JAKMIP2: variants seen among roughly 807,000 people sequenced by gnomAD.
JAKMIP2 encodes janus kinase and microtubule interacting protein 2.
JAKMIP2 carries 25 observed loss-of-function variants against 115.0 expected under a neutral mutation model. That is an observed-to-expected ratio of 0.22 (90% CI 0.16 to 0.30). The LOEUF is 0.30. Ranked by LOEUF, JAKMIP2 falls within the 10% of genes least tolerant of loss-of-function variation. The pLI is 1.00. For missense variants in JAKMIP2, 642 were observed against 957.6 expected (o/e 0.67, Z 4.35); for synonymous variants, 334 against 343.6 (o/e 0.97, Z 0.31).
intron 1 of JAKMIP2, among the ~76,000 whole-genome samples, chr5:147,715,723 T>C (rs1752952546): frequency 6.6e-6 from 1 of 151,858 alleles, no homozygotes; most frequent in Non-Finnish European, 1.5e-5. Context: ...GTAGGAGTTT[T>C]TTCCTAAAAC....
intron 1 of JAKMIP2, among the ~76,000 whole-genome samples, chr5:147,730,261 C>T (rs1193013452): frequency 6.6e-6 from 1 of 152,124 alleles, no homozygotes; most frequent in Non-Finnish European, 1.5e-5. Flanking sequence ...AGATTCTTTG[C>T]CTGGCCAAAC....
intron 21 of JAKMIP2, among the ~76,000 whole-genome samples, chr5:147,598,462 T>TCTATCTATCAC (rs1554123568): frequency 0.15 from 22,431 of 148,082 alleles, 1,863 homozygotes; most frequent in Non-Finnish European, 0.19. Context: ...CTATCTATCA[T>TCTATCTATCAC]CTATCTATGT....
chr5:147,769,937 T>C (rs1755288881), intron 1 of JAKMIP2, among the ~76,000 whole-genome samples: 1 of 152,122 alleles, frequency 6.6e-6, no homozygotes, highest in Non-Finnish European at 1.5e-5. Flanking sequence ...TTGTTAAAGA[T>C]GTAAAATGCA....
At chr5:147,734,789 C>T (rs1241050439) in intron 1 of JAKMIP2, among the ~76,000 whole-genome samples, 1 of 152,032 alleles carries the variant, frequency 6.6e-6, no homozygotes, top group Non-Finnish European at 1.5e-5. Context: ...AGAAGGACAA[C>T]AGGAATTGAT....
At chr5:147,704,037 A>G (rs1752476002) in intron 1 of JAKMIP2, among the ~76,000 whole-genome samples, 1 of 152,122 alleles carries the variant, frequency 6.6e-6, no homozygotes, top group Non-Finnish European at 1.5e-5. Context: ...AGCCTGTCCC[A>G]CTAGAAGGTC....
At chr5:147,652,644 C>G (rs1264339127) in intron 3 of JAKMIP2, among the ~76,000 whole-genome samples, 1 of 152,120 alleles carries the variant, frequency 6.6e-6, no homozygotes. Context: ...ATTCTGTGTT[C>G]ATGCAGTTTG....
Position 147,589,973 on chromosome 5 carries a change from T to C in JAKMIP2, c.*1734A>G, listed in dbSNP as rs1755034930. 1 of 152,318 alleles carries C rather than the reference T, an allele frequency of 6.6e-6. No individual in the cohort carries two copies. Among genetic ancestry groups the C allele is most frequent in the East Asian group, 1.9e-4 (1 of 5,182 alleles). The allele number at this position is 152,318 out of a possible 1,614,324, so 9.4% of individuals were successfully genotyped here. On this transcript the variant is annotated 3_prime_UTR_variant, in exon 22 of 22. Coordinates refer to ENST00000616793, the MANE Select transcript of JAKMIP2 (RefSeq NM_001270941.2). ...TTCTAAAATTGCAAATAAAACTTTA[T>C]GAAAAAGCATTTTAACCCCATTTTG...
chr5:147,728,938 G>T (rs1580844840), intron 1 of JAKMIP2, among the ~76,000 whole-genome samples: 1 of 152,278 alleles, frequency 6.6e-6, no homozygotes, highest in East Asian at 1.9e-4. Flanking sequence ...CTGCACTTCT[G>T]TCTGGTGTCC....
At chr5:147,640,455 AC>A (rs1234526269) in intron 9 of JAKMIP2, among the ~76,000 whole-genome samples, 4 of 152,204 alleles carry the variant, frequency 2.6e-5, no homozygotes, top group African/African-American at 7.2e-5. Flanking sequence ...TTGGAAAGTA[AC>A]TTTTATTTTG....
At chr5:147,640,676 C>T (rs755883126) in intron 9 of JAKMIP2, 28 bp downstream of exon 9, 1 of 1,611,320 alleles carries the variant, frequency 6.2e-7, no homozygotes, top group African/African-American at 1.3e-5. Context: ...ACAATATCAC[C>T]CTAGGCTAGA....
chr5:147,632,447 A>T (rs1483071918), intron 13 of JAKMIP2, among the ~76,000 whole-genome samples: 1 of 152,170 alleles, frequency 6.6e-6, no homozygotes, highest in Non-Finnish European at 1.5e-5. Context: ...TGAAAAGCAC[A>T]GTATCTAAGT....
At chr5:147,669,713 C>T (rs993806513) in intron 2 of JAKMIP2, among the ~76,000 whole-genome samples, 2 of 152,132 alleles carry the variant, frequency 1.3e-5, no homozygotes, top group African/African-American at 4.8e-5. Flanking sequence ...AGAGTTAAGG[C>T]CAATGAAATG....
At chr5:147,765,012 AAGGGAGACAGAGAGAGAG>A (rs1755101775) in intron 1 of JAKMIP2, among the ~76,000 whole-genome samples, 2 of 39,010 alleles carry the variant, frequency 5.1e-5, no homozygotes, top group East Asian at 5.0e-4. Flanking sequence ...GAGAGAGAGA[AAGGGAGACAGAGAGAGAG>A]AGAAAGAAAG....
At chr5:147,628,875 A>T in intron 15 of JAKMIP2, 59 bp from the exon 16 acceptor site, 3 of 1,270,414 alleles carry the variant, frequency 2.4e-6, no homozygotes. Context: ...CCCCAAAGAA[A>T]ATACTGTCTG....
chr5:147,591,384 G>A lies in JAKMIP2; in HGVS notation c.*323C>T. On this transcript the variant is annotated 3_prime_UTR_variant, in exon 22 of 22. Coordinates refer to ENST00000616793, the MANE Select transcript of JAKMIP2 (RefSeq NM_001270941.2). ...CCCAAGACACATCTTTGCTTGATCT[G>A]CAGAAACTAGTTCCATTGCTGAACT... 2.7e-6 allele frequency: 1 copy of A among 376,486 alleles called. No homozygotes were observed. The highest frequency in any genetic ancestry group is 4.7e-6 in the Non-Finnish European group (1 of 210,616). 23.3% of individuals were successfully genotyped at this position (376,486 alleles called of 1,614,324 possible). A position where few individuals can be genotyped will look rare whatever the true frequency, so the allele number is the denominator to read the frequency against.
At chr5:147,757,394 A>T (rs1754785092) in intron 1 of JAKMIP2, among the ~76,000 whole-genome samples, 1 of 152,152 alleles carries the variant, frequency 6.6e-6, no homozygotes, top group Non-Finnish European at 1.5e-5. Context: ...CTCTCCATCC[A>T]CATGATTAAA....
chr5:147,613,034 C>T (rs1396934619), intron 19 of JAKMIP2, among the ~76,000 whole-genome samples: 3 of 152,136 alleles, frequency 2.0e-5, no homozygotes, highest in Non-Finnish European at 4.4e-5. Context: ...ATTAGGAAAA[C>T]ACCAGAATAT....
At chr5:147,764,478 T>C (rs944278049) in intron 1 of JAKMIP2, among the ~76,000 whole-genome samples, 2 of 148,544 alleles carry the variant, frequency 1.3e-5, no homozygotes, top group Admixed American at 6.7e-5. Context: ...AAAGAGGATA[T>C]TGAAAATGGG....
chr5:147,680,164 A>C (rs941780122), intron 1 of JAKMIP2, among the ~76,000 whole-genome samples: 1 of 152,192 alleles, frequency 6.6e-6, no homozygotes, highest in Non-Finnish European at 1.5e-5. Context: ...AATTATTTTT[A>C]TCATTGTTAT....
Sources: allele counts gnomAD v4.1 joint callset (sites outside exome capture counted in the v4.1 genomes callset), GRCh38; gene constraint gnomAD v4.1.1; transcripts MANE v1.5; gene names NCBI Gene and HGNC (gene_info 2026-07-23, HGNC 2026-07-21).